The following SULT6B1 variants were observed in gnomAD, a reference collection of about 807,000 sequenced individuals.
SULT6B1 encodes sulfotransferase 6B1.
In SULT6B1, 44 loss-of-function variants were observed where a neutral mutation model predicts 37.2. That is an observed-to-expected ratio of 1.18 (90% CI 0.93 to 1.52). The LOEUF is 1.52. SULT6B1 is among the 40% of genes most tolerant of loss of function. The probability of loss-of-function intolerance (pLI) is 0.00; values close to 1 mark genes in which losing one functional copy is unlikely to be tolerated. For missense variants in SULT6B1, 450 were observed against 361.0 expected, an observed-to-expected ratio of 1.25 and a Z score of -2.00; for synonymous variants, 140 against 126.0, an observed-to-expected ratio of 1.11 and a Z score of -0.74.
At chr2:37,176,462 A>C (rs1290251731) in intron 4 of SULT6B1, among the ~76,000 whole-genome samples, 1 of 151,632 alleles carries the variant, frequency 6.6e-6, no homozygotes, top group Non-Finnish European at 1.5e-5. Context: ...GTTTCACCAT[A>C]TTGGTCAGGC....
In SULT6B1 at chr2:37,171,488, G is replaced by C; in HGVS notation, c.727C>G (p.Arg243Gly). 6.2e-7 allele frequency: 1 copy of C among 1,614,154 alleles called. No homozygotes were observed. The highest frequency in any genetic ancestry group is 8.5e-7 in the Non-Finnish European group (1 of 1,180,012). Residue 243 changes from arginine to glycine, a missense_variant, in exon 6 of 7, where the codon CGT becomes GGT. Transcript: ENST00000535679. ...CCGTGTGTGTCCTGAGACTTCGCACGCATGGCTTGGAAGGTGCTCTGGACT... is the reference window on the plus strand; with the variant it reads ...CCGTGTGTGTCCTGAGACTTCGCACCCATGGCTTGGAAGGTGCTCTGGACT... The part of the protein sequence containing the change: ...ISVQSTFQAM[R>G]AKSQDTHGAV...
At chr2:37,173,770 C>T (rs1211429007) in intron 5 of SULT6B1, among the ~76,000 whole-genome samples, 1 of 152,190 alleles carries the variant, frequency 6.6e-6, no homozygotes, top group Non-Finnish European at 1.5e-5. Flanking sequence ...TCTTCTCATC[C>T]CTGCATGGCC....
At chr2:37,194,867 C>A in intron 1 of SULT6B1, 1 of 79,912 alleles carries the variant, frequency 1.3e-5, no homozygotes, top group African/African-American at 4.3e-5. Flanking sequence ...CTCCCTCCCT[C>A]CCTCCCTCCC....
At chr2:37,169,778 C>A (rs555469663) in intron 6 of SULT6B1, among the ~76,000 whole-genome samples, 121 of 152,330 alleles carry the variant, frequency 7.9e-4, no homozygotes, top group African/African-American at 2.7e-3. Flanking sequence ...CAGGCATGAG[C>A]CACCATGTCC....
upstream of SULT6B1, among the ~76,000 whole-genome samples, chr2:37,192,852 T>C: frequency 6.6e-6 from 1 of 152,156 alleles, no homozygotes; most frequent in East Asian, 1.9e-4. Flanking sequence ...GGAACTCTGA[T>C]TCTTAGTTTG....
intron 6 of SULT6B1, among the ~76,000 whole-genome samples, chr2:37,169,919 A>C (rs1051388227): frequency 2.0e-5 from 3 of 152,192 alleles, no homozygotes; most frequent in Non-Finnish European, 4.4e-5. Context: ...TCATTATTTC[A>C]TTATATACTC....
chr2:37,188,169 C>T (rs1049796779), intron 1 of SULT6B1, among the ~76,000 whole-genome samples: 3 of 152,208 alleles, frequency 2.0e-5, no homozygotes, highest in African/African-American at 7.2e-5. Flanking sequence ...ATGCTCCTCC[C>T]TTCCAGGCCC....
At chr2:37,190,940 T>A (rs1676768222), upstream of SULT6B1, among the ~76,000 whole-genome samples, 1 of 152,088 alleles carries the variant, frequency 6.6e-6, no homozygotes, top group South Asian at 2.1e-4. Flanking sequence ...CTTCTGGAAT[T>A]TTTTAACCAA....
intron 5 of SULT6B1, among the ~76,000 whole-genome samples, chr2:37,173,759 C>T (rs1181425218): frequency 6.6e-6 from 1 of 152,198 alleles, no homozygotes; most frequent in African/African-American, 2.4e-5. Context: ...AGAATCCAAC[C>T]TCTTCTCATC....
At chr2:37,185,526 G>A (rs1243537148) in intron 2 of SULT6B1, among the ~76,000 whole-genome samples, 3 of 152,020 alleles carry the variant, frequency 2.0e-5, no homozygotes, top group South Asian at 4.2e-4. Flanking sequence ...AGAGTAGCCT[G>A]TCCAACATGA....
chr2:37,193,602 A>G (rs1261529228), upstream of SULT6B1, among the ~76,000 whole-genome samples: 1 of 111,044 alleles, frequency 9.0e-6, no homozygotes, highest in Non-Finnish European at 1.9e-5. Context: ...AAGAAAAAGA[A>G]GAAGAAGAAG....
At chr2:37,189,595 A>G (rs1400626575), upstream of SULT6B1, among the ~76,000 whole-genome samples, 1 of 152,140 alleles carries the variant, frequency 6.6e-6, no homozygotes, top group South Asian at 2.1e-4. Context: ...AAGCATGTGC[A>G]GTGTGTTTAG....
At chr2:37,178,433 G>A (rs1404700543) in intron 4 of SULT6B1, among the ~76,000 whole-genome samples, 5 of 151,898 alleles carry the variant, frequency 3.3e-5, no homozygotes, top group African/African-American at 1.2e-4. Flanking sequence ...ACGGGGTTTT[G>A]CCATGTTGGC....
chr2:37,194,485 G>A (rs1416636943), intron 1 of SULT6B1: 8 of 410,722 alleles, frequency 1.9e-5, no homozygotes, highest in African/African-American at 1.3e-4. Context: ...ACAGCTGCAC[G>A]CGGATACGGT....
At chr2:37,193,169 T>C (rs1423303436), upstream of SULT6B1, among the ~76,000 whole-genome samples, 6 of 152,046 alleles carry the variant, frequency 3.9e-5, no homozygotes, top group Admixed American at 3.9e-4. Flanking sequence ...TTAAAGTTTC[T>C]TTCCGCCTGG....
chr2:37,172,754 C>T (rs574324411), intron 5 of SULT6B1, among the ~76,000 whole-genome samples: 13 of 152,024 alleles, frequency 8.6e-5, no homozygotes, highest in African/African-American at 2.9e-4. Flanking sequence ...GTGATCCACC[C>T]GCCTTGGCCT....
At chr2:37,187,179 G>T (rs557109498) in intron 2 of SULT6B1, among the ~76,000 whole-genome samples, 176 bp downstream of exon 2, 20 of 152,268 alleles carry the variant, frequency 1.3e-4, no homozygotes, top group African/African-American at 3.6e-4. Context: ...TGGTAATAAG[G>T]TTATTTTGCA....
rs369254641 is a variant in SULT6B1 at position 37,181,258 on chromosome 2, A to G, written c.403-1674T>C. 2.6e-5 allele frequency among the ~76,000 whole-genome samples: 4 copies of G among 152,162 alleles called. No homozygotes were observed. The East Asian group carries it at 7.7e-4, about 29-fold the overall frequency. ...CTTTATATTTGAGGCTTTAACTACC[A>G]CTCAGTTGCCCTGGCTTGTAGCAAT... On this transcript the variant is annotated intron_variant, in intron 3 of 6. Transcript: ENST00000535679.
At chr2:37,169,448 T>G (rs1258610140) in intron 6 of SULT6B1, among the ~76,000 whole-genome samples, 1 of 152,140 alleles carries the variant, frequency 6.6e-6, no homozygotes, top group Admixed American at 6.6e-5. Flanking sequence ...AATTAAGAAC[T>G]TCAGTGGGTT....
Sources: gnomAD v4.1 joint callset for allele counts (sites outside exome capture counted in the v4.1 genomes callset) on GRCh38, gnomAD v4.1.1 for gene constraint, MANE v1.5 for transcripts, NCBI Gene and HGNC (gene_info 2026-07-23, HGNC 2026-07-21) for gene names.